SEMA5A: variants seen among roughly 807,000 people sequenced by gnomAD.
SEMA5A encodes semaphorin 5A, also known as semaphorin-5A.
SEMA5A carries 55 observed loss-of-function variants against 135.5 expected under a neutral mutation model. The ratio of observed to expected loss-of-function variants is 0.41; its 90% confidence interval spans 0.33 to 0.51. The LOEUF is 0.51. Among genes scored for constraint, SEMA5A ranks in the 20% least tolerant of loss-of-function variants. The pLI is 0.37. For missense variants in SEMA5A, 1,290 were observed against 1,419.9 expected (o/e 0.91, Z 1.47); for synonymous variants, 580 against 546.5 (o/e 1.06, Z -0.85).
chr5:9,424,618 T>A (rs1294940694), intron 2 of SEMA5A, among the ~76,000 whole-genome samples: 2 of 152,268 alleles, frequency 1.3e-5, no homozygotes, highest in Non-Finnish European at 1.5e-5. Flanking sequence ...AAAGTTAACA[T>A]TGCCCTAGAA....
chr5:9,190,343 A>G lies in SEMA5A; in HGVS notation c.1197T>C (p.Asn399=), dbSNP rs1470741256. Residue 399 remains asparagine (N), a synonymous_variant, in exon 11 of 23, where the codon AAT becomes AAC. Transcript: ENST00000382496. The part of the protein sequence containing the change: ...VTTVPSFMED[N]SRFSHVAVDV... ...CGACTGCCACGTGGGAAAAGCGGCT[A>G]TTGTCCTCCATGAAGGAGGGCACTG... 4 of 1,613,942 alleles carry G rather than the reference A, an allele frequency of 2.5e-6. No individual in the cohort carries two copies. The highest frequency in any genetic ancestry group is 3.4e-6 in the Non-Finnish European group (4 of 1,180,028).
intron 5 of SEMA5A, among the ~76,000 whole-genome samples, chr5:9,306,913 T>C (rs1751897374): frequency 6.6e-6 from 1 of 152,212 alleles, no homozygotes; most frequent in Non-Finnish European, 1.5e-5. Flanking sequence ...GCTCCTTTAT[T>C]CAAATGGTGC....
chr5:9,368,643 T>C (rs892687708), intron 3 of SEMA5A, among the ~76,000 whole-genome samples: 9 of 152,244 alleles, frequency 5.9e-5, no homozygotes, highest in South Asian at 2.1e-4. Flanking sequence ...CATAATGAGA[T>C]AATGAATACA....
chr5:9,327,177 A>T (rs10474842), intron 4 of SEMA5A, among the ~76,000 whole-genome samples: 17,116 of 152,144 alleles, frequency 0.11, 1,056 homozygotes, highest in South Asian at 0.19. Flanking sequence ...CACAGTTTTT[A>T]ATTCTTTTGT....
intron 9 of SEMA5A, among the ~76,000 whole-genome samples, chr5:9,201,211 C>T (rs1561014374): frequency 6.6e-6 from 1 of 152,056 alleles, no homozygotes; most frequent in Non-Finnish European, 1.5e-5. Context: ...GGGTTTGGCA[C>T]GTGCTCCTCC....
Position 9,201,853 on chromosome 5 carries a change from G to T in SEMA5A, c.932+102C>A. On this transcript the variant is annotated intron_variant, in intron 9 of 22. Coordinates refer to ENST00000382496, the MANE Select transcript of SEMA5A (RefSeq NM_003966.3). ...TCTGTTAGCCCAGTAAATTAAGAAA[G>T]ATTTTCTCTAAAGTAAATTTAAAAC... 3.5e-6 allele frequency: 4 copies of T among 1,156,198 alleles called. No individual in the cohort carries two copies. In the South Asian group the frequency reaches 6.5e-5, roughly 19 times the overall value. 71.6% of individuals were successfully genotyped at this position (1,156,198 alleles called of 1,614,324 possible).
At chr5:9,117,946 G>T (rs1740610758) in intron 15 of SEMA5A, among the ~76,000 whole-genome samples, 1 of 152,118 alleles carries the variant, frequency 6.6e-6, no homozygotes, top group African/African-American at 2.4e-5. Context: ...TAGTCAAAAG[G>T]AGTGAAATCT....
intron 15 of SEMA5A, among the ~76,000 whole-genome samples, chr5:9,112,155 T>G (rs1740277710): frequency 6.6e-6 from 1 of 152,190 alleles, no homozygotes; most frequent in South Asian, 2.1e-4. Context: ...AGATTTTAAT[T>G]TTGCCCATGA....
intron 10 of SEMA5A, among the ~76,000 whole-genome samples, chr5:9,194,042 T>C (rs565360921): frequency 2.0e-5 from 3 of 152,150 alleles, no homozygotes; most frequent in Non-Finnish European, 4.4e-5. Flanking sequence ...TTCAACTCCA[T>C]CCTTTCAGAG....
intron 11 of SEMA5A, among the ~76,000 whole-genome samples, chr5:9,170,449 A>G (rs1743854491): frequency 6.6e-6 from 1 of 152,140 alleles, no homozygotes; most frequent in African/African-American, 2.4e-5. Flanking sequence ...GAGACAGGAC[A>G]TGCATATTGA....
At chr5:9,515,638 C>A (rs1736469637) in intron 1 of SEMA5A, among the ~76,000 whole-genome samples, 1 of 152,108 alleles carries the variant, frequency 6.6e-6, no homozygotes, top group Admixed American at 6.5e-5. Flanking sequence ...CCCGGCCAGT[C>A]CAAAGGGTAA....
At chr5:9,083,520 TG>T (rs929207367) in intron 16 of SEMA5A, among the ~76,000 whole-genome samples, 6 of 152,322 alleles carry the variant, frequency 3.9e-5, no homozygotes, top group African/African-American at 1.4e-4. Flanking sequence ...GTTGCCTAAG[TG>T]ATACTTTCTA....
intron 1 of SEMA5A, among the ~76,000 whole-genome samples, chr5:9,464,717 A>G (rs1269749735): frequency 1.3e-5 from 2 of 152,084 alleles, no homozygotes; most frequent in African/African-American, 4.8e-5. Flanking sequence ...GTAGACCATC[A>G]CAGCCTCCTT....
intron 2 of SEMA5A, among the ~76,000 whole-genome samples, chr5:9,401,680 T>G (rs1392997024): frequency 1.3e-5 from 2 of 152,236 alleles, no homozygotes; most frequent in Non-Finnish European, 2.9e-5. Context: ...CATAAATTAA[T>G]GCCTTGACCA....
chr5:9,345,239 A>T, intron 3 of SEMA5A, among the ~76,000 whole-genome samples: 1 of 152,216 alleles, frequency 6.6e-6, no homozygotes, highest in East Asian at 1.9e-4. Context: ...TAAAATATCC[A>T]GGAAAAATAT....
intron 4 of SEMA5A, among the ~76,000 whole-genome samples, chr5:9,325,190 C>A (rs868257764): frequency 6.6e-6 from 1 of 151,132 alleles, no homozygotes; most frequent in African/African-American, 2.4e-5. Context: ...AGTGTTATGG[C>A]TATAGCAAAT....
At chr5:9,227,802 G>A (rs868771892) in intron 6 of SEMA5A, among the ~76,000 whole-genome samples, 5 of 151,936 alleles carry the variant, frequency 3.3e-5, no homozygotes, top group Non-Finnish European at 5.9e-5. Context: ...TACCTGCCTC[G>A]GCCTCCCAAA....
At chr5:9,283,230 C>T (rs913458858) in intron 5 of SEMA5A, among the ~76,000 whole-genome samples, 18 of 152,170 alleles carry the variant, frequency 1.2e-4, no homozygotes, top group Non-Finnish European at 2.5e-4. Flanking sequence ...AGTCAGGAGT[C>T]CATTCGTGGT....
Position 9,154,691 on chromosome 5 carries a change from G to A in SEMA5A, c.1278C>T (p.Tyr426=), listed in dbSNP as rs1806150. The A allele has an allele frequency of 3.3e-4, 526 of 1,613,570 alleles. 8 individuals are homozygous for A. The East Asian group carries it at 0.011, about 33-fold the overall frequency. ...GTACCCGCACTTTCTTAATGGTTCC[G>A]TAATCTATGAAGGTCACAGGATGAA... ...LVHIIYLATD[Y]GTIKKVRVPL... Residue 426 remains tyrosine, a synonymous_variant, in exon 12 of 23, where the codon TAC becomes TAT. Coordinates refer to ENST00000382496, the MANE Select transcript of SEMA5A (RefSeq NM_003966.3).
Sources: allele counts gnomAD v4.1 joint callset (sites outside exome capture counted in the v4.1 genomes callset), GRCh38; gene constraint gnomAD v4.1.1; transcripts MANE v1.5; gene names NCBI Gene and HGNC (gene_info 2026-07-23, HGNC 2026-07-21).